Variants in CTNNA3 observed in about 807,000 individuals in gnomAD.
CTNNA3 encodes the protein catenin alpha-3.
In CTNNA3, 76 loss-of-function variants were observed where a neutral mutation model predicts 95.7. The observed-to-expected ratio is 0.79, with a 90% CI of 0.66 to 0.96. CTNNA3 has a LOEUF of 0.96. Among genes scored for constraint, CTNNA3 ranks in the 40% least tolerant of loss-of-function variants. The probability of loss-of-function intolerance (pLI) is 0.00; values close to 1 mark genes in which losing one functional copy is unlikely to be tolerated. For missense variants in CTNNA3, 1,191 were observed against 1,089.8 expected (o/e 1.09, Z -1.31); for synonymous variants, 431 against 374.4 (o/e 1.15, Z -1.74).
At chr10:67,563,658 A>G (rs140729552) in intron 3 of CTNNA3, among the ~76,000 whole-genome samples, 16,906 of 152,134 alleles carry the variant, frequency 0.11, 1,418 homozygotes, top group East Asian at 0.3. Flanking sequence ...TAATTAAACT[A>G]AAGAGCTTCT....
chr10:67,209,038 T>C (rs1269353063), intron 6 of CTNNA3, among the ~76,000 whole-genome samples: 1 of 146,062 alleles, frequency 6.8e-6, no homozygotes, highest in Admixed American at 6.7e-5. Flanking sequence ...AAGGGTATTG[T>C]TATTTTTTGT....
intron 7 of CTNNA3, among the ~76,000 whole-genome samples, chr10:66,815,607 C>CCCTAG (rs1198402494): frequency 6.6e-6 from 1 of 151,918 alleles, no homozygotes; most frequent in African/African-American, 2.4e-5. Context: ...CAGTGTCTTC[C>CCCTAG]CCTAGGTATA....
At chr10:66,807,149 A>C (rs142672661) in intron 7 of CTNNA3, among the ~76,000 whole-genome samples, 1 of 152,012 alleles carries the variant, frequency 6.6e-6, no homozygotes, top group Non-Finnish European at 1.5e-5. Context: ...TGTGTAACCC[A>C]GTTTCTCTGA....
At chr10:67,433,000 T>C (rs1226564053) in intron 5 of CTNNA3, among the ~76,000 whole-genome samples, 1 of 152,088 alleles carries the variant, frequency 6.6e-6, no homozygotes, top group African/African-American at 2.4e-5. Flanking sequence ...TTTAATTTCC[T>C]TCATGAACTT....
chr10:66,262,770 C>G (rs539579040), intron 13 of CTNNA3, among the ~76,000 whole-genome samples: 11 of 151,742 alleles, frequency 7.2e-5, no homozygotes, highest in African/African-American at 2.7e-4. Context: ...TTTGGTATAA[C>G]AAGAGTGTAT....
chr10:67,189,827 T>C (rs1441295491), intron 6 of CTNNA3, among the ~76,000 whole-genome samples: 1 of 152,138 alleles, frequency 6.6e-6, no homozygotes, highest in Admixed American at 6.6e-5. Flanking sequence ...ACCAGGAGAA[T>C]ACATATTTCA....
At chr10:66,808,790 T>C (rs1407837970) in intron 7 of CTNNA3, among the ~76,000 whole-genome samples, 1 of 152,192 alleles carries the variant, frequency 6.6e-6, no homozygotes, top group African/African-American at 2.4e-5. Context: ...AGTGCTTGTG[T>C]TCCAATAATC....
chr10:67,054,753 G>A (rs1265142308), intron 7 of CTNNA3: 1 of 151,964 alleles, frequency 6.6e-6, no homozygotes, highest in Non-Finnish European at 1.5e-5. Context: ...AATTTTCTAG[G>A]CGTCTTTGGG....
At chr10:66,558,545 A>T (rs928676564) in intron 10 of CTNNA3, among the ~76,000 whole-genome samples, 1 of 152,154 alleles carries the variant, frequency 6.6e-6, no homozygotes, top group African/African-American at 2.4e-5. Flanking sequence ...CACATATTGC[A>T]TAAATTCCTA....
intron 6 of CTNNA3, among the ~76,000 whole-genome samples, chr10:67,195,865 C>T (rs1276610272): frequency 6.6e-6 from 1 of 152,098 alleles, no homozygotes; most frequent in Non-Finnish European, 1.5e-5. Context: ...TTCACATACT[C>T]TATATTCTCT....
intron 13 of CTNNA3, among the ~76,000 whole-genome samples, chr10:66,218,050 C>A (rs2088668124): frequency 6.6e-6 from 1 of 152,198 alleles, no homozygotes; most frequent in Non-Finnish European, 1.5e-5. Flanking sequence ...GCCTGGGATT[C>A]AATCTGTGAG....
At chr10:67,315,754 T>C (rs750015028) in intron 5 of CTNNA3, among the ~76,000 whole-genome samples, 3 of 152,120 alleles carry the variant, frequency 2.0e-5, no homozygotes, top group Non-Finnish European at 4.4e-5. Context: ...AATCAATGTA[T>C]AAAGAATAAG....
intron 7 of CTNNA3, among the ~76,000 whole-genome samples, chr10:66,897,542 A>G (rs543753876): frequency 6.6e-6 from 1 of 152,296 alleles, no homozygotes; most frequent in South Asian, 2.1e-4. Flanking sequence ...AATTATTTTA[A>G]AAGGCAAAAA....
At chr10:66,114,876 C>G (rs1488087232) in intron 13 of CTNNA3, among the ~76,000 whole-genome samples, 3 of 148,332 alleles carry the variant, frequency 2.0e-5, no homozygotes, top group Admixed American at 6.7e-5. Context: ...GAGGCTCCAT[C>G]TCAAAAAAAA....
At chr10:67,682,190 G>A (rs1427738739) in intron 1 of CTNNA3, among the ~76,000 whole-genome samples, 1 of 151,822 alleles carries the variant, frequency 6.6e-6, no homozygotes, top group Non-Finnish European at 1.5e-5. Flanking sequence ...AGCCCAGCGT[G>A]GTGGTGGGCG....
intron 5 of CTNNA3, among the ~76,000 whole-genome samples, chr10:67,321,554 G>A (rs971608818): frequency 6.6e-6 from 1 of 152,112 alleles, no homozygotes; most frequent in South Asian, 2.1e-4. Flanking sequence ...TCCCAACACA[G>A]ACCATAATCT....
intron 12 of CTNNA3, among the ~76,000 whole-genome samples, chr10:66,368,415 T>G (rs2092729074): frequency 6.6e-6 from 1 of 152,010 alleles, no homozygotes; most frequent in African/African-American, 2.4e-5. Flanking sequence ...CTGGATCTTT[T>G]TTTTTTCCCT....
chr10:67,220,091 C>T (rs1295704390), intron 5 of CTNNA3, among the ~76,000 whole-genome samples: 1 of 152,092 alleles, frequency 6.6e-6, no homozygotes, highest in Non-Finnish European at 1.5e-5. Flanking sequence ...TAAAGGTCCC[C>T]GTAGAGCAGA....
chr10:66,412,456 ATTTTTTTT>A (rs750175517), intron 11 of CTNNA3, among the ~76,000 whole-genome samples: 66 of 126,210 alleles, frequency 5.2e-4, no homozygotes, highest in East Asian at 2.0e-3. Context: ...GCCAAATACT[ATTTTTTTT>A]TTTTTTTTTT....
Sources: gnomAD v4.1 joint callset for allele counts (sites outside exome capture counted in the v4.1 genomes callset) on GRCh38, gnomAD v4.1.1 for gene constraint, MANE v1.5 for transcripts, NCBI Gene and HGNC (gene_info 2026-07-23, HGNC 2026-07-21) for gene names.